The following FLT3 variants were observed in gnomAD, a reference collection of about 807,000 sequenced individuals.
The protein encoded by FLT3 is receptor-type tyrosine-protein kinase FLT3.
A neutral mutation model predicts 126.6 loss-of-function variants in FLT3; 46 were observed. The observed-to-expected ratio is 0.36, with a 90% CI of 0.29 to 0.46. The LOEUF is 0.46. FLT3 is among the 20% of genes least tolerant of loss of function. The pLI is 1.00. For missense variants in FLT3, 1,069 were observed against 1,190.3 expected (o/e 0.90, Z 1.50); for synonymous variants, 404 against 434.4 (o/e 0.93, Z 0.87).
At chr13:28,092,064 C>T (rs866785540) in intron 1 of FLT3, among the ~76,000 whole-genome samples, 5 of 152,068 alleles carry the variant, frequency 3.3e-5, no homozygotes, top group African/African-American at 9.6e-5. Context: ...AGCGAGACTC[C>T]GTCTCAAAAA....
chr13:28,089,409 A>C (rs1337738253), intron 1 of FLT3, among the ~76,000 whole-genome samples: 1 of 151,178 alleles, frequency 6.6e-6, no homozygotes. Context: ...CCTGTATTCA[A>C]ATATTTATAG....
chr13:28,062,863 C>G (rs1876695352), intron 2 of FLT3, among the ~76,000 whole-genome samples: 1 of 151,976 alleles, frequency 6.6e-6, no homozygotes, highest in Admixed American at 6.6e-5. Flanking sequence ...TTCTTGCTCA[C>G]TGCCCTTAGA....
intron 23 of FLT3, among the ~76,000 whole-genome samples, chr13:28,013,981 A>G (rs2137607468): frequency 6.6e-6 from 1 of 152,142 alleles, no homozygotes; most frequent in South Asian, 2.1e-4. Context: ...TTTTATCAAT[A>G]TGTCTTAGGG....
intron 1 of FLT3, among the ~76,000 whole-genome samples, chr13:28,099,981 C>T (rs561441354): frequency 9.2e-5 from 14 of 152,304 alleles, no homozygotes; most frequent in African/African-American, 3.4e-4. Flanking sequence ...GACGCATTTT[C>T]CCATCAGAGT....
intron 3 of FLT3, among the ~76,000 whole-genome samples, chr13:28,058,571 T>C (rs1785923747): frequency 6.6e-6 from 1 of 152,222 alleles, no homozygotes; most frequent in African/African-American, 2.4e-5. Context: ...CTTTAGACCC[T>C]TAACTGTGCA....
intron 17 of FLT3, chr13:28,025,174 A>C (rs553036894): frequency 7.3e-5 from 39 of 533,430 alleles, no homozygotes; most frequent in African/African-American, 7.3e-4. Flanking sequence ...CTTACAGTTC[A>C]AAAAGGACCT....
chr13:28,049,407 T>C lies in FLT3; in HGVS notation c.1013A>G (p.Gln338Arg). ...ACCTACGATGGTAACCAAAGCTGAT[T>C]GACTGGGATGCTTTGAAGAGGAACA... Reference protein sequence around the residue: ...YTCSSSKHPSQSALVTIVEKG... With the variant: ...YTCSSSKHPSRSALVTIVEKG... Residue 338 changes from glutamine (Q) to arginine (R), a missense_variant, in exon 8 of 24, where the codon CAA becomes CGA. Transcript: ENST00000241453. 6.2e-7 allele frequency: 1 copy of C among 1,613,862 alleles called. No individual in the cohort carries two copies. The highest frequency in any genetic ancestry group is 8.5e-7 in the Non-Finnish European group (1 of 1,179,934).
At chr13:28,071,999 T>G (rs1877561070) in intron 1 of FLT3, among the ~76,000 whole-genome samples, 1 of 151,994 alleles carries the variant, frequency 6.6e-6, no homozygotes, top group Non-Finnish European at 1.5e-5. Context: ...GCTCTCAAAG[T>G]TTTACTTTCT....
At chr13:28,027,637 C>T (rs1035098494) in intron 16 of FLT3, among the ~76,000 whole-genome samples, 2 of 114,970 alleles carry the variant, frequency 1.7e-5, no homozygotes, top group African/African-American at 5.1e-5. Context: ...ATTCACTTTC[C>T]TCTTTTTCCT....
At chr13:28,031,617 G>A (rs1053520830) in intron 15 of FLT3, among the ~76,000 whole-genome samples, 9 of 152,194 alleles carry the variant, frequency 5.9e-5, no homozygotes, top group African/African-American at 9.7e-5. Context: ...ATTGTCTGTG[G>A]TGTGAGACAG....
rs529787599 is a variant in FLT3, at chr13:28,091,389, T to G, written c.43+9079A>C. Reference sequence around the variant, plus strand: ...GGCGCCCGCCACCACGCCCGGCTAATTTTTTGTATTTTTAGTAGAGACGGG... The same window carrying G: ...GGCGCCCGCCACCACGCCCGGCTAAGTTTTTGTATTTTTAGTAGAGACGGG... On this transcript the variant is annotated intron_variant, in intron 1 of 23. Transcript: ENST00000241453. Among the ~76,000 whole-genome samples, 1,257 of 148,524 alleles carry G rather than the reference T, an allele frequency of 8.5e-3. 15 individuals are homozygous for G. The highest frequency in any genetic ancestry group is 0.011 in the Non-Finnish European group (768 of 67,016).
chr13:28,023,632 A>C (rs1257496742), intron 18 of FLT3, among the ~76,000 whole-genome samples, 155 bp from the exon 19 acceptor site: 3 of 152,210 alleles, frequency 2.0e-5, no homozygotes, highest in Non-Finnish European at 4.4e-5. Flanking sequence ...TGACCTGTTT[A>C]TGCTGCCTAT....
At chr13:28,015,894 G>T (rs1257062329) in intron 20 of FLT3, among the ~76,000 whole-genome samples, 193 bp from the exon 21 acceptor site, 1 of 152,068 alleles carries the variant, frequency 6.6e-6, no homozygotes, top group Non-Finnish European at 1.5e-5. Flanking sequence ...TAAAACATAA[G>T]GCATATTTCT....
chr13:28,057,311 T>G (rs929667296), intron 4 of FLT3, 36 bp downstream of exon 4: 1 of 907,672 alleles, frequency 1.1e-6, no homozygotes, highest in Non-Finnish European at 1.9e-6. Flanking sequence ...TATTGTGGTA[T>G]TCCAGGCTGG....
At chr13:28,087,214 G>GA (rs1305597478) in intron 1 of FLT3, among the ~76,000 whole-genome samples, 1 of 151,784 alleles carries the variant, frequency 6.6e-6, no homozygotes, top group East Asian at 1.9e-4. Context: ...TGACTACAAG[G>GA]ACACACCATC....
At chr13:28,062,743 CAAAAAAAAAA>C (rs59718306) in intron 2 of FLT3, among the ~76,000 whole-genome samples, 13 of 90,000 alleles carry the variant, frequency 1.4e-4, no homozygotes, top group African/African-American at 5.7e-4. Context: ...AACTCTGTCT[CAAAAAAAAAA>C]AAAAAAGAGG....
At chr13:28,073,030 ATATGCTTATCTCTT>A (rs1444403563) in intron 1 of FLT3, among the ~76,000 whole-genome samples, 1 of 138,062 alleles carries the variant, frequency 7.2e-6, no homozygotes, top group Non-Finnish European at 1.6e-5. Context: ...ACAACAACAA[ATATGCTTATCTCTT>A]TAAAAGCATT....
chr13:28,006,098 G>T (rs1196044053), intron 23 of FLT3, among the ~76,000 whole-genome samples: 1 of 152,004 alleles, frequency 6.6e-6, no homozygotes, highest in Non-Finnish European at 1.5e-5. Context: ...GTCTCTAAAA[G>T]AAATAAGTTT....
intron 15 of FLT3, among the ~76,000 whole-genome samples, chr13:28,030,454 C>G (rs1004460327): frequency 2.6e-5 from 4 of 152,194 alleles, no homozygotes; most frequent in African/African-American, 9.7e-5. Flanking sequence ...GAGCCAATGT[C>G]CTAGACACTG....
Sources: allele counts gnomAD v4.1 joint callset (sites outside exome capture counted in the v4.1 genomes callset), GRCh38; gene constraint gnomAD v4.1.1; transcripts MANE v1.5; gene names NCBI Gene and HGNC (gene_info 2026-07-23, HGNC 2026-07-21).